The following SHANK2 variants were observed in gnomAD, a reference collection of about 807,000 sequenced individuals.
SHANK2 encodes the protein SH3 and multiple ankyrin repeat domains 2.
A neutral mutation model predicts 133.7 loss-of-function variants in SHANK2; 43 were observed. That is an observed-to-expected ratio of 0.32 (90% confidence interval 0.25 to 0.41). The LOEUF is 0.41. Ranked by LOEUF, SHANK2 falls within the 10% of genes least tolerant of loss-of-function variation. The probability of loss-of-function intolerance (pLI) is 1.00; values close to 1 mark genes in which losing one functional copy is unlikely to be tolerated. For missense variants in SHANK2, 1,994 were observed against 2,235.8 expected (o/e 0.89, Z 2.18); for synonymous variants, 1,017 against 952.8 (o/e 1.07, Z -1.24).
intron 17 of SHANK2, among the ~76,000 whole-genome samples, chr11:70,653,131 C>T (rs1234933869): frequency 6.6e-6 from 1 of 152,024 alleles, no homozygotes; most frequent in Non-Finnish European, 1.5e-5. Context: ...CACCACCACA[C>T]CCGGCTAATT....
At chr11:70,763,635 A>G (rs1024517963) in intron 14 of SHANK2, among the ~76,000 whole-genome samples, 5 of 152,162 alleles carry the variant, frequency 3.3e-5, no homozygotes, top group African/African-American at 1.2e-4. Context: ...GCACCCTGTG[A>G]CCTGGACAGC....
intron 18 of SHANK2, among the ~76,000 whole-genome samples, chr11:70,502,522 G>C (rs573048458): frequency 4.6e-5 from 7 of 152,312 alleles, no homozygotes; most frequent in African/African-American, 1.7e-4. Flanking sequence ...GGAGGGAGGG[G>C]ACAGGGCACT....
intron 17 of SHANK2, among the ~76,000 whole-genome samples, chr11:70,641,080 C>T (rs2061172557): frequency 2.0e-5 from 3 of 148,672 alleles, no homozygotes; most frequent in Admixed American, 6.9e-5. Flanking sequence ...CTTTACTATG[C>T]TTTTTTTTCT....
chr11:71,222,621 T>C (rs901060476), intron 2 of SHANK2, among the ~76,000 whole-genome samples: 3 of 152,168 alleles, frequency 2.0e-5, no homozygotes, highest in South Asian at 4.1e-4. Context: ...AATGAATAAA[T>C]AGCAAGCCCC....
At chr11:70,948,161 C>A in intron 10 of SHANK2, 2 of 404,864 alleles carry the variant, frequency 4.9e-6, no homozygotes, top group Non-Finnish European at 1.0e-5. Flanking sequence ...ACAGAAGCCG[C>A]CCTCGGCTCC....
At chr11:70,501,035 C>T (rs1285273223) in intron 20 of SHANK2, among the ~76,000 whole-genome samples, 2 of 145,938 alleles carry the variant, frequency 1.4e-5, no homozygotes, top group Non-Finnish European at 2.9e-5. Flanking sequence ...ATGAGAGCTG[C>T]TAGGCTTGTC....
chr11:70,716,723 T>A (rs1555027351), intron 14 of SHANK2, among the ~76,000 whole-genome samples: 1 of 152,178 alleles, frequency 6.6e-6, no homozygotes, highest in Non-Finnish European at 1.5e-5. Flanking sequence ...TACACGTCGC[T>A]GACAAAACCC....
intron 14 of SHANK2, among the ~76,000 whole-genome samples, chr11:70,720,344 G>A (rs556160065): frequency 1.4e-4 from 22 of 152,332 alleles, no homozygotes; most frequent in African/African-American, 4.8e-4. Context: ...TACAGAGAAT[G>A]AGCCTGGGGT....
At chr11:70,652,700 A>G (rs2061351210) in intron 17 of SHANK2, among the ~76,000 whole-genome samples, 1 of 152,022 alleles carries the variant, frequency 6.6e-6, no homozygotes, top group South Asian at 2.1e-4. Flanking sequence ...AGTCTGAACT[A>G]CTTGGAAGGC....
At chr11:71,156,974 T>G (rs1298809969) in intron 2 of SHANK2, among the ~76,000 whole-genome samples, 1 of 152,184 alleles carries the variant, frequency 6.6e-6, no homozygotes, top group African/African-American at 2.4e-5. Context: ...CCAAGTATTA[T>G]CGCCTGAAAG....
chr11:71,079,914 A>T (rs1284642493), intron 8 of SHANK2, among the ~76,000 whole-genome samples: 1 of 46,152 alleles, frequency 2.2e-5, no homozygotes, highest in Admixed American at 3.2e-4. Flanking sequence ...GGGGAGGGGA[A>T]GGAAGGGGAG....
intron 3 of SHANK2, among the ~76,000 whole-genome samples, chr11:71,127,324 A>G (rs1952211897): frequency 1.3e-5 from 2 of 152,252 alleles, no homozygotes; most frequent in South Asian, 4.1e-4. Context: ...GATCTAGAAT[A>G]TTCCATAAAC....
chr11:70,874,967 C>A (rs1298550080), intron 11 of SHANK2, among the ~76,000 whole-genome samples: 1 of 152,202 alleles, frequency 6.6e-6, no homozygotes, highest in Non-Finnish European at 1.5e-5. Context: ...CCACATGTAA[C>A]TATAACAGGC....
intron 11 of SHANK2, among the ~76,000 whole-genome samples, chr11:70,849,989 C>T (rs572094573): frequency 6.6e-6 from 1 of 152,270 alleles, no homozygotes; most frequent in Admixed American, 6.5e-5. Flanking sequence ...CCCCATGAAA[C>T]ACACATGCCC....
In SHANK2 at chr11:70,903,391, TAAATAAAATAAAATAAAATA is replaced by T. The variant is rs61298155; in HGVS notation, c.1108-6844_1108-6825del. On this transcript the variant is annotated intron_variant, in intron 10 of 25. Transcript: ENST00000601538. ...GACTCTGTCTCAAAATAAAATAAAG[TAAATAAAATAAAATAAAATA>T]AAATAAAATAAAATAAAATAAAATA... Among the ~76,000 whole-genome samples, 874 of 125,850 alleles carry T rather than the reference TAAATAAAATAAAATAAAATA, an allele frequency of 6.9e-3. 6 individuals carry two copies. Among genetic ancestry groups the T allele is most frequent in the African/African-American group, 0.022 (728 of 32,472 alleles). The allele number at this position is 125,850 out of a possible 152,430, so 82.6% of individuals were successfully genotyped here. A position where few individuals can be genotyped will look rare whatever the true frequency, so the allele number is the denominator to read the frequency against.
intron 17 of SHANK2, among the ~76,000 whole-genome samples, chr11:70,503,747 G>A (rs1041348727): frequency 3.9e-5 from 6 of 152,212 alleles, no homozygotes; most frequent in Admixed American, 1.3e-4. Flanking sequence ...TGGCCCCTCT[G>A]CTATTCTCAC....
chr11:71,086,273 GTTATA>G (rs1399649871), intron 8 of SHANK2, among the ~76,000 whole-genome samples: 11,579 of 19,058 alleles, frequency 0.61, 4,106 homozygotes, highest in Non-Finnish European at 0.66. Context: ...TATTATATAT[GTTATA>G]TTATATATGT....
intron 12 of SHANK2, among the ~76,000 whole-genome samples, chr11:70,816,699 G>A (rs1159415643): frequency 3.3e-5 from 5 of 152,200 alleles, no homozygotes; most frequent in African/African-American, 1.2e-4. Context: ...GCCTCCAAAA[G>A]GCCCTGGGTT....
At chr11:70,493,271 G>GTGTT (rs2058922682) in intron 21 of SHANK2, among the ~76,000 whole-genome samples, 1 of 149,702 alleles carries the variant, frequency 6.7e-6, no homozygotes, top group Non-Finnish European at 1.5e-5. Context: ...GGCAGCGTGG[G>GTGTT]TGTTTCAGAG....
Sources: gnomAD v4.1 joint callset for allele counts (sites outside exome capture counted in the v4.1 genomes callset) on GRCh38, gnomAD v4.1.1 for gene constraint, MANE v1.5 for transcripts, NCBI Gene and HGNC (gene_info 2026-07-23, HGNC 2026-07-21) for gene names.